The following CPXM2 variants were observed in gnomAD, a reference collection of about 807,000 sequenced individuals.
CPXM2 encodes carboxypeptidase X, M14 family member 2, also known as inactive carboxypeptidase-like protein X2.
CPXM2 carries 66 observed loss-of-function variants against 86.1 expected under a neutral mutation model. That is an observed-to-expected ratio of 0.77 (90% CI 0.63 to 0.94). The LOEUF (loss-of-function observed/expected upper bound fraction) is 0.94. CPXM2 is among the 40% of genes least tolerant of loss of function. The probability of loss-of-function intolerance (pLI) is 0.00; values close to 1 mark genes in which losing one functional copy is unlikely to be tolerated. For synonymous variants in CPXM2, 388 were observed against 400.2 expected (o/e 0.97, Z 0.36); for missense variants, 948 against 1,026.3 (o/e 0.92, Z 1.04).
At chr10:123,889,328 G>A (rs937299234) in intron 1 of CPXM2, among the ~76,000 whole-genome samples, 19 of 152,148 alleles carry the variant, frequency 1.2e-4, no homozygotes, top group Admixed American at 1.1e-3. Flanking sequence ...ACCTCTTCGG[G>A]GAAGCATTAC....
chr10:123,908,998 T>G (rs1197668850), intron 2 of CPXM2, among the ~76,000 whole-genome samples: 1 of 152,214 alleles, frequency 6.6e-6, no homozygotes, highest in Admixed American at 6.5e-5. Context: ...CATTGTTAAC[T>G]CTCACTAAAT....
rs1277618132 is a variant in CPXM2, at chr10:123,757,287, T to C, written c.1843A>G (p.Lys615Glu). ...GGCAGCTGGCTCTCATGTGGGTATT[T>C]ATCACAGCCCACGTAGATGGACAGT... is the stretch of plus-strand genomic sequence containing the variant. ...FELSIYVGCD[K>E]YPHESQLPEE... The change falls in exon 12 of 14, where the codon AAA (lysine) becomes GAA (glutamate). Residue 615 changes from lysine to glutamate, a missense_variant. By Grantham distance (56) the Lys-to-Glu change is moderately conservative (BLOSUM62 1). Transcript: ENST00000241305. 6.2e-7 allele frequency: 1 copy of C among 1,613,476 alleles called. No individual in the cohort carries two copies. Among genetic ancestry groups the C allele is most frequent in the South Asian group, 1.1e-5 (1 of 91,056 alleles).
chr10:123,811,379 A>G (rs2134092946), intron 4 of CPXM2, among the ~76,000 whole-genome samples: 1 of 152,168 alleles, frequency 6.6e-6, no homozygotes, highest in East Asian at 1.9e-4. Context: ...ATTCCCACCT[A>G]TGAGTGAGAA....
chr10:123,909,388 C>T (rs1307242948), intron 2 of CPXM2, among the ~76,000 whole-genome samples: 8 of 152,226 alleles, frequency 5.3e-5, no homozygotes, highest in South Asian at 2.1e-4. Flanking sequence ...TTAAAGAACA[C>T]TCTTTGCCAA....
rs150432932 is a variant in CPXM2 at position 123,932,982 on chromosome 10, T to C, written n.174+6495A>G. Among the ~76,000 whole-genome samples, 280 of 152,312 alleles carry C rather than the reference T, an allele frequency of 1.8e-3. 1 individual carries two copies. The highest frequency in any genetic ancestry group is 6.1e-3 in the African/African-American group (253 of 41,564). ...ACTTCAAAAGGTAATGTGCCTGCTG[T>C]CCACTAGAGTTGGGCCCTGTAGCAG... is the stretch of plus-strand genomic sequence containing the variant. On this transcript the variant is annotated intron_variant and non_coding_transcript_variant, in intron 2 of 19. Coordinates refer to the CPXM2 transcript ENST00000368854.
At chr10:123,864,698 G>A (rs1173035220) in intron 2 of CPXM2, among the ~76,000 whole-genome samples, 1 of 152,108 alleles carries the variant, frequency 6.6e-6, no homozygotes, top group Non-Finnish European at 1.5e-5. Flanking sequence ...CCACCAGATG[G>A]ACAGGCAGAC....
intron 6 of CPXM2, among the ~76,000 whole-genome samples, chr10:123,784,983 T>C (rs1034103643): frequency 2.6e-5 from 4 of 152,242 alleles, no homozygotes; most frequent in African/African-American, 7.2e-5. Context: ...TAAAGGACTT[T>C]GTAATTTTAC....
Position 123,767,146 on chromosome 10 carries a change from C to T in CPXM2, c.1306G>A (p.Glu436Lys). ...GYEKAYEGGSELGGWSLGRWT... is the reference protein window; with the variant it reads ...GYEKAYEGGSKLGGWSLGRWT... Reference sequence around the variant, plus strand: ...CGTCCCAGGGACCAGCCTCCCAGCTCCGAGCCCTGGAGACAAGTGAGAGTG... The same window carrying T: ...CGTCCCAGGGACCAGCCTCCCAGCTTCGAGCCCTGGAGACAAGTGAGAGTG... The change falls in exon 10 of 14, where the codon GAG becomes AAG. Residue 436 changes from glutamate (E) to lysine (K), a missense_variant. Transcript: ENST00000241305. 2 of 1,614,012 alleles carry T rather than the reference C, an allele frequency of 1.2e-6. No individual in the cohort carries two copies. Among genetic ancestry groups the T allele is most frequent in the Non-Finnish European group, 1.7e-6 (2 of 1,179,962 alleles).
At chr10:123,813,340 T>C (rs1411060700) in intron 4 of CPXM2, among the ~76,000 whole-genome samples, 1 of 152,214 alleles carries the variant, frequency 6.6e-6, no homozygotes, top group South Asian at 2.1e-4. Flanking sequence ...TTCACTAGGT[T>C]GGTAGAAAGA....
chr10:123,838,560 C>T (rs1407216581), intron 4 of CPXM2, among the ~76,000 whole-genome samples: 1 of 152,168 alleles, frequency 6.6e-6, no homozygotes, highest in Non-Finnish European at 1.5e-5. Context: ...TTCTGTATTT[C>T]GATAGCCAGC....
chr10:123,834,710 G>A (rs1367880965), intron 4 of CPXM2, among the ~76,000 whole-genome samples: 1 of 152,196 alleles, frequency 6.6e-6, no homozygotes, highest in African/African-American at 2.4e-5. Context: ...CTAATGTCAT[G>A]TGGAAATCTG....
chr10:123,802,153 T>C (rs992663286), intron 4 of CPXM2, among the ~76,000 whole-genome samples: 4 of 152,116 alleles, frequency 2.6e-5, no homozygotes, highest in African/African-American at 7.2e-5. Flanking sequence ...TTTAGGCCAT[T>C]TGATAGGAGT....
chr10:123,774,370 C>G (rs113564743), intron 7 of CPXM2, among the ~76,000 whole-genome samples: 1 of 152,184 alleles, frequency 6.6e-6, no homozygotes, highest in East Asian at 1.9e-4. Flanking sequence ...ATAAAATGTC[C>G]TTGTAAAGTG....
Position 123,770,885 on chromosome 10 carries a change from G to A in CPXM2, c.1102+31C>T, listed in dbSNP as rs372128443. 9.4e-6 allele frequency: 15 copies of A among 1,593,500 alleles called. No homozygotes were observed. In the African/African-American group the frequency reaches 1.8e-4, roughly 19 times the overall value. On this transcript the variant is annotated intron_variant, in intron 8 of 13. Coordinates refer to ENST00000241305, the MANE Select transcript of CPXM2 (RefSeq NM_198148.3). Reference sequence around the variant, plus strand: ...GTTTACATGAGTACCAAAGATGAAGGGGCCAAGCATCCCAGAGGGGCCCTT... The same window carrying A: ...GTTTACATGAGTACCAAAGATGAAGAGGCCAAGCATCCCAGAGGGGCCCTT...
intron 7 of CPXM2, among the ~76,000 whole-genome samples, chr10:123,772,794 C>G (rs1355643803): frequency 6.6e-6 from 1 of 150,874 alleles, no homozygotes; most frequent in Non-Finnish European, 1.5e-5. Context: ...TGGTTATCAC[C>G]TTCCTGGTTG....
intron 2 of CPXM2, among the ~76,000 whole-genome samples, chr10:123,909,184 G>T (rs998711918): frequency 3.3e-5 from 5 of 151,888 alleles, no homozygotes. Flanking sequence ...GTGTAGCTCG[G>T]GACACGGGCT....
chr10:123,789,680 G>C (rs1196240640), intron 6 of CPXM2, among the ~76,000 whole-genome samples: 1 of 152,240 alleles, frequency 6.6e-6, no homozygotes, highest in Non-Finnish European at 1.5e-5. Context: ...GCAATGTGCA[G>C]ATGGAGCAAC....
chr10:123,767,125 C>T lies in CPXM2; in HGVS notation c.1327G>A (p.Gly443Arg). 1 of 1,614,080 alleles carries T rather than the reference C, an allele frequency of 6.2e-7. No homozygotes were observed. Among genetic ancestry groups the T allele is most frequent in the Non-Finnish European group, 8.5e-7 (1 of 1,180,024 alleles). ...GGSELGGWSL[G>R]RWTHDGIDIN... ...TCAATTCCATCGTGGGTCCAGCGTC[C>T]CAGGGACCAGCCTCCCAGCTCCGAG... Residue 443 changes from glycine (G) to arginine (R), a missense_variant, in exon 10 of 14, where the codon GGA becomes AGA. Gly to Arg is a moderately radical substitution (Grantham distance 125, BLOSUM62 -2). Transcript: ENST00000241305.
chr10:123,793,419 C>T (rs35676932), intron 6 of CPXM2, among the ~76,000 whole-genome samples: 9,719 of 144,312 alleles, frequency 0.067, 495 homozygotes, highest in East Asian at 0.28. Context: ...GCCCAGACCA[C>T]GCCACTGCAC....
Sources: gnomAD v4.1 joint callset for allele counts (sites outside exome capture counted in the v4.1 genomes callset) on GRCh38, gnomAD v4.1.1 for gene constraint, MANE v1.5 for transcripts, NCBI Gene and HGNC (gene_info 2026-07-23, HGNC 2026-07-21) for gene names.